The following APBA1 variants were observed in gnomAD, a reference collection of about 807,000 sequenced individuals.
APBA1 encodes amyloid-beta A4 precursor protein-binding family A member 1.
APBA1 carries 55 observed loss-of-function variants against 86.6 expected under a neutral mutation model. The observed-to-expected ratio is 0.64, with a 90% CI of 0.51 to 0.80. The LOEUF is 0.80. Ranked by LOEUF, APBA1 falls within the 30% of genes least tolerant of loss-of-function variation. The pLI is 0.00. For missense variants in APBA1, 1,090 were observed against 1,183.0 expected, an observed-to-expected ratio of 0.92 and a Z score of 1.15; for synonymous variants, 511 against 493.9, an observed-to-expected ratio of 1.03 and a Z score of -0.46.
At chr9:69,442,252 A>G (rs1564030342) in intron 10 of APBA1, among the ~76,000 whole-genome samples, 1 of 152,214 alleles carries the variant, frequency 6.6e-6, no homozygotes, top group Non-Finnish European at 1.5e-5. Context: ...AAGTCATGGT[A>G]TGCAGGAGGA....
chr9:69,657,003 GC>G (rs1334827671), intron 1 of APBA1, among the ~76,000 whole-genome samples: 1 of 151,956 alleles, frequency 6.6e-6, no homozygotes, highest in Non-Finnish European at 1.5e-5. Context: ...CCGCCACCGC[GC>G]CCGGCTAATT....
rs768227814 is a variant in APBA1 at position 69,516,558 on chromosome 9, T to C, written c.653A>G (p.Gln218Arg). 2.5e-6 allele frequency: 4 copies of C among 1,599,222 alleles called. No homozygotes were observed. The highest frequency in any genetic ancestry group is 1.3e-5 in the African/African-American group (1 of 74,962). ...DARDGLRLYE[Q>R]ERDEAAAYRQ... Reference sequence around the variant, plus strand: ...GTACGCGGCCGCCTCGTCGCGCTCCTGCTCGTAGAGCCGCAGGCCGTCGCG... The same window carrying C: ...GTACGCGGCCGCCTCGTCGCGCTCCCGCTCGTAGAGCCGCAGGCCGTCGCG... Residue 218 changes from glutamine (Q) to arginine (R), a missense_variant, in exon 2 of 13, where the codon CAG (glutamine) becomes CGG (arginine). By Grantham distance (43) the Gln-to-Arg change is conservative. Transcript: ENST00000265381. The surrounding 1 kb of genome is among the most constrained non-coding windows in gnomAD (Gnocchi z 7.3).
At chr9:69,616,017 TC>T (rs1279839794) in intron 1 of APBA1, among the ~76,000 whole-genome samples, 1 of 152,108 alleles carries the variant, frequency 6.6e-6, no homozygotes, top group Non-Finnish European at 1.5e-5. Flanking sequence ...TGAGACTCTT[TC>T]CCCCCTTAAT....
intron 9 of APBA1, among the ~76,000 whole-genome samples, 189 bp from the exon 10 acceptor site, chr9:69,449,985 C>T (rs1834975899): frequency 6.6e-6 from 1 of 150,380 alleles, no homozygotes; most frequent in Non-Finnish European, 1.5e-5. Flanking sequence ...TCACACAGGT[C>T]TACACTCTTT....
At chr9:69,449,997 G>A (rs942012458) in intron 9 of APBA1, among the ~76,000 whole-genome samples, 4 of 145,104 alleles carry the variant, frequency 2.8e-5, no homozygotes, top group African/African-American at 7.8e-5. Context: ...ACACTCTTTT[G>A]TAATTCACTC....
At chr9:69,661,968 C>T (rs1188570045) in intron 1 of APBA1, among the ~76,000 whole-genome samples, 1 of 151,840 alleles carries the variant, frequency 6.6e-6, no homozygotes, top group East Asian at 1.9e-4. Flanking sequence ...TTGTAAGTTA[C>T]CCAGCCTCAG....
At chr9:69,458,076 C>T (rs914519489) in intron 6 of APBA1, 80 bp downstream of exon 6, 23 of 1,393,892 alleles carry the variant, frequency 1.7e-5, no homozygotes, top group East Asian at 5.0e-5. Context: ...AACAAAAACA[C>T]GAAAATATAA....
At chr9:69,501,338 A>T (rs1835876576) in intron 2 of APBA1, among the ~76,000 whole-genome samples, 1 of 152,094 alleles carries the variant, frequency 6.6e-6, no homozygotes, top group African/African-American at 2.4e-5. Context: ...AGTATTTTTC[A>T]TTTTAAAGAT....
intron 3 of APBA1, 58 bp from the exon 4 acceptor site, chr9:69,471,753 C>A: frequency 7.6e-7 from 1 of 1,324,008 alleles, no homozygotes; most frequent in Non-Finnish European, 1.1e-6. Flanking sequence ...TATGAATTAA[C>A]ACAATCATCC....
At chr9:69,541,515 T>A (rs1310141706) in intron 1 of APBA1, among the ~76,000 whole-genome samples, 2 of 151,800 alleles carry the variant, frequency 1.3e-5, no homozygotes, top group African/African-American at 4.8e-5. Context: ...TTAAAAGAAA[T>A]GTCTATTCAA....
chr9:69,487,039 G>T (rs1256274173), intron 2 of APBA1, among the ~76,000 whole-genome samples: 1 of 151,922 alleles, frequency 6.6e-6, no homozygotes, highest in Non-Finnish European at 1.5e-5. Flanking sequence ...TTACAAGTAG[G>T]AAAAGTGGAT....
chr9:69,457,232 GAC>G, intron 6 of APBA1, 93 bp from the exon 7 acceptor site: 3 of 919,318 alleles, frequency 3.3e-6, no homozygotes, highest in Non-Finnish European at 5.4e-6. Context: ...GAGGCACCAC[GAC>G]ACAGTCACCA....
intron 2 of APBA1, among the ~76,000 whole-genome samples, chr9:69,500,015 G>A (rs777806148): frequency 3.3e-5 from 5 of 152,086 alleles, no homozygotes; most frequent in Non-Finnish European, 5.9e-5. Context: ...AATGTTATCT[G>A]GAGGGGCGGT....
chr9:69,503,633 A>C (rs1427783150), intron 2 of APBA1, among the ~76,000 whole-genome samples: 2 of 152,094 alleles, frequency 1.3e-5, no homozygotes, highest in African/African-American at 2.4e-5. Flanking sequence ...TAAATAATGG[A>C]ATTGTTTTTC....
intron 1 of APBA1, among the ~76,000 whole-genome samples, chr9:69,563,946 T>C (rs749170045): frequency 4.7e-5 from 7 of 149,950 alleles, no homozygotes; most frequent in Non-Finnish European, 2.9e-5. Context: ...CTCAGTAAAT[T>C]GTGCTTGGTG....
At chr9:69,634,627 A>G (rs1247527141) in intron 1 of APBA1, among the ~76,000 whole-genome samples, 1 of 152,188 alleles carries the variant, frequency 6.6e-6, no homozygotes, top group Non-Finnish European at 1.5e-5. Context: ...AAGAAGGTAA[A>G]AAACACCAAG....
In APBA1 at chr9:69,631,248, T is replaced by C. The variant is rs971608712; in HGVS notation, c.-70+40905A>G. 3.3e-5 allele frequency among the ~76,000 whole-genome samples: 5 copies of C among 152,196 alleles called. No individual in the cohort carries two copies. The East Asian group carries it at 9.7e-4, about 29-fold the overall frequency. On this transcript the variant is annotated intron_variant, in intron 1 of 12. Transcript: ENST00000265381. The stretch of plus-strand genomic sequence containing the variant: ...ACCCCATCAAAAAGTGGGCAAAGGA[T>C]ATGAACAGACACTTCTCAAAAGAAG...
chr9:69,447,761 C>T (rs913850556), intron 10 of APBA1, among the ~76,000 whole-genome samples: 10 of 152,106 alleles, frequency 6.6e-5, no homozygotes, highest in Admixed American at 2.0e-4. Flanking sequence ...AATGCTGCCC[C>T]GAAGGCTCAG....
chr9:69,563,635 C>G (rs115850643), intron 1 of APBA1, among the ~76,000 whole-genome samples: 2 of 151,998 alleles, frequency 1.3e-5, no homozygotes, highest in Non-Finnish European at 2.9e-5. Flanking sequence ...CAATGTACTG[C>G]TTACTTGGTT....
Sources: allele counts gnomAD v4.1 joint callset (sites outside exome capture counted in the v4.1 genomes callset), GRCh38; gene constraint gnomAD v4.1.1; non-coding constraint Gnocchi (gnomAD v3.1); transcripts MANE v1.5; gene names NCBI Gene and HGNC (gene_info 2026-07-23, HGNC 2026-07-21).